Variants in PTPRN observed in about 807,000 individuals in gnomAD.
PTPRN encodes the protein protein tyrosine phosphatase receptor type N, also known as receptor-type tyrosine-protein phosphatase-like N.
PTPRN carries 70 observed loss-of-function variants against 108.5 expected under a neutral mutation model. That is an observed-to-expected ratio of 0.65 (90% CI 0.53 to 0.79). PTPRN has a LOEUF of 0.79. PTPRN is among the 30% of genes least tolerant of loss of function. PTPRN has a pLI of 0.00. For synonymous variants in PTPRN, 496 were observed against 524.6 expected, an observed-to-expected ratio of 0.95 and a Z score of 0.75; for missense variants, 1,136 against 1,295.5, an observed-to-expected ratio of 0.88 and a Z score of 1.89.
chr2:219,299,455 G>A, intron 10 of PTPRN, 71 bp from the exon 11 acceptor site: 1 of 1,512,120 alleles, frequency 6.6e-7, no homozygotes, highest in Non-Finnish European at 9.2e-7. Context: ...GGCCAGCTCT[G>A]GCCCTCTCCC....
At chr2:219,305,633 G>A (rs1952464927) in intron 3 of PTPRN, among the ~76,000 whole-genome samples, 1 of 152,140 alleles carries the variant, frequency 6.6e-6, no homozygotes, top group Admixed American at 6.5e-5. Flanking sequence ...CCTCATGGGT[G>A]TAATTACCAT....
Position 219,300,182 on chromosome 2 carries a change from A to C in PTPRN, c.1239T>G (p.Thr413=). 1 of 1,612,748 alleles carries C rather than the reference A, an allele frequency of 6.2e-7. No homozygotes were observed. The highest frequency in any genetic ancestry group is 8.5e-7 in the Non-Finnish European group (1 of 1,179,158). ...GGACTTCACTGGAGGTAGGGCTGGC[A>C]GTGGGGTGTCCAGGCATGGGGGATG... ...ARTSPMPGHP[T]ASPTSSEVQQ... Residue 413 remains threonine (T), a synonymous_variant, in exon 9 of 23, where the codon ACT becomes ACG. Coordinates refer to ENST00000295718, the MANE Select transcript of PTPRN (RefSeq NM_002846.4).
At chr2:219,306,009 G>C (rs1952476594) in intron 3 of PTPRN, among the ~76,000 whole-genome samples, 1 of 152,102 alleles carries the variant, frequency 6.6e-6, no homozygotes, top group South Asian at 2.1e-4. Flanking sequence ...AATTAGCCAG[G>C]CATGGTGGCG....
intron 1 of PTPRN, chr2:219,308,929 G>T (rs1952553661): frequency 7.1e-7 from 1 of 1,410,758 alleles, no homozygotes; most frequent in African/African-American, 1.4e-5. Context: ...TCTCGCAGCC[G>T]GTCTCTAAGT....
chr2:219,300,353 G>A, intron 8 of PTPRN, 94 bp from the exon 9 acceptor site: 1 of 1,349,384 alleles, frequency 7.4e-7, no homozygotes, highest in Non-Finnish European at 9.9e-7. Context: ...CTCAGGACCT[G>A]CTTTTCACTT....
intron 19 of PTPRN, among the ~76,000 whole-genome samples, chr2:219,294,587 T>G (rs76884407): frequency 0.036 from 5,052 of 138,854 alleles, 294 homozygotes; most frequent in African/African-American, 0.14. Context: ...GGCAGCGCAG[T>G]GCAGGGCCTG....
chr2:219,296,418 G>A lies in PTPRN; in HGVS notation c.2388+21C>T, dbSNP rs1171376200. On this transcript the variant is annotated intron_variant, in intron 17 of 22. Transcript: ENST00000295718. This position sits in a 1 kb window ranked among gnomAD's most constrained non-coding sequence, Gnocchi z 6.0. ...TCGTGGCCACAAGGACCCCAGCGAA[G>A]CCCTCCCTTTAAGAGCCCACCTGCC... 6.2e-7 allele frequency: 1 copy of A among 1,614,014 alleles called. No homozygotes were observed. Among genetic ancestry groups the A allele is most frequent in the African/African-American group, 1.3e-5 (1 of 74,924 alleles).
intron 4 of PTPRN, 47 bp from the exon 5 acceptor site, chr2:219,302,884 T>C (rs373855279): frequency 4.9e-4 from 784 of 1,586,940 alleles, no homozygotes; most frequent in Non-Finnish European, 6.2e-4. Context: ...GGAAAGGGCA[T>C]AGAGAGCCTG....
At position 219,299,060 on chromosome 2, in the gene PTPRN, G is replaced by T. The variant is rs770580095; in HGVS notation, c.1655C>A (p.Thr552Lys). 1.9e-6 allele frequency: 3 copies of T among 1,614,234 alleles called. No homozygotes were observed. Among genetic ancestry groups the T allele is most frequent in the Non-Finnish European group, 1.7e-6 (2 of 1,180,038 alleles). Residue 552 changes from threonine to lysine, a missense_variant, in exon 12 of 23, where the codon ACA (threonine) becomes AAA (lysine). By Grantham distance (78) the Thr-to-Lys change is moderately conservative. Coordinates refer to ENST00000295718, the MANE Select transcript of PTPRN (RefSeq NM_002846.4). Reference sequence around the variant, plus strand: ...GTTAGCGCATACCTGTCCCACTCCTGTCTGCAAGATTTGGAGCCCTGTCTG... The same window carrying T: ...GTTAGCGCATACCTGTCCCACTCCTTTCTGCAAGATTTGGAGCCCTGTCTG... ...EAQTGLQILQTGVGQREEAAA... is the reference protein window; with the variant it reads ...EAQTGLQILQKGVGQREEAAA...
At position 219,298,169 on chromosome 2, in the gene PTPRN, C is replaced by T; in HGVS notation, c.1669-66G>A. ...GGGAGGTTTCAGAGCTGCTCCTCAC[C>T]CCGGTCCCATGCCACACCCCCTGTT... is the stretch of plus-strand genomic sequence containing the variant. On this transcript the variant is annotated intron_variant, in intron 12 of 22. Transcript: ENST00000295718. 9 of 1,502,048 alleles carry T rather than the reference C, an allele frequency of 6.0e-6. No homozygotes were observed. In the South Asian group the frequency reaches 6.9e-5, roughly 12 times the overall value. The allele number at this position is 1,502,048 out of a possible 1,614,324, so 93.0% of individuals were successfully genotyped here. A position where few individuals can be genotyped will look rare whatever the true frequency, so the allele number is the denominator to read the frequency against.
chr2:219,307,237 T>A (rs1383439481), intron 3 of PTPRN: 1 of 478,308 alleles, frequency 2.1e-6, no homozygotes, highest in Admixed American at 3.5e-5. Flanking sequence ...TCCAGTGACT[T>A]CTTCTTAGAA....
At chr2:219,301,877 A>G (rs1023862754) in intron 6 of PTPRN, among the ~76,000 whole-genome samples, 158 bp from the exon 7 acceptor site, 4 of 152,066 alleles carry the variant, frequency 2.6e-5, no homozygotes, top group Non-Finnish European at 5.9e-5. Context: ...CCTTGTCCAC[A>G]CTTTGGGGGA....
At position 219,301,666 on chromosome 2, in the gene PTPRN, G is replaced by A. The variant is rs754865206; in HGVS notation, c.1048C>T (p.Arg350Cys). The change falls in exon 7 of 23, where the codon CGT (arginine) becomes TGT (cysteine). Residue 350 changes from arginine (R) to cysteine (C), a missense_variant. Physicochemically the swap from Arg to Cys is radical, Grantham distance 180 (BLOSUM62 -3). Coordinates refer to ENST00000295718, the MANE Select transcript of PTPRN (RefSeq NM_002846.4). ...GAGAGCTGCTCAGGGGTCAGCTGAC[G>A]CAGCTCTACCCCATAGCCCGCCAGC... ...AVLAGYGVEL[R>C]QLTPEQLSTL... 7.4e-6 allele frequency: 12 copies of A among 1,613,494 alleles called. No homozygotes were observed. The highest frequency in any genetic ancestry group is 3.3e-5 in the Admixed American group (2 of 60,000).
intron 3 of PTPRN, among the ~76,000 whole-genome samples, chr2:219,306,475 G>C (rs557957394): frequency 6.6e-6 from 1 of 152,306 alleles, no homozygotes; most frequent in African/African-American, 2.4e-5. Context: ...ACCAACTCTT[G>C]ACTCCATCTA....
Position 219,297,283 on chromosome 2 carries a change from C to T in PTPRN, c.2038G>A (p.Glu680Lys), listed in dbSNP as rs781479935. 8 of 1,613,908 alleles carry T rather than the reference C, an allele frequency of 5.0e-6. No homozygotes were observed. Among genetic ancestry groups the T allele is most frequent in the Admixed American group, 3.3e-5 (2 of 59,994 alleles). The change falls in exon 14 of 23, where the codon GAG becomes AAG. Residue 680 changes from glutamate to lysine, a missense_variant. Transcript: ENST00000295718. The surrounding 1 kb of genome is among the most constrained non-coding windows in gnomAD (Gnocchi z 6.0). ...SSHSSTPSWC[E>K]EPAQANMDIS... ...TCCATGTTGGCTTGGGCCGGCTCCT[C>T]GCACCAGGACGGGGTGCTGCTGTGG...
intron 20 of PTPRN, 51 bp downstream of exon 20, chr2:219,291,419 G>A (rs776140902): frequency 1.9e-6 from 3 of 1,567,052 alleles, no homozygotes; most frequent in East Asian, 2.2e-5. Flanking sequence ...ATGTGCACAG[G>A]AGACGCACAC....
rs1952524594 is a variant in PTPRN, at chr2:219,307,909, G to A, written c.116-67C>T. 3 of 1,468,548 alleles carry A rather than the reference G, an allele frequency of 2.0e-6. No homozygotes were observed. The African/African-American group carries it at 4.2e-5, about 21-fold the overall frequency. The allele number at this position is 1,468,548 out of a possible 1,614,324, so 91.0% of individuals were successfully genotyped here. A position where few individuals can be genotyped will look rare whatever the true frequency, so the allele number is the denominator to read the frequency against. ...CAGAGAATGGGCAGATGGGTGGACA[G>A]GCTGGGAACGGGAGAAGCAGATGCA... On this transcript the variant is annotated intron_variant, in intron 1 of 22. Coordinates refer to ENST00000295718, the MANE Select transcript of PTPRN (RefSeq NM_002846.4).
At chr2:219,301,167 A>G (rs962833700) in intron 7 of PTPRN, among the ~76,000 whole-genome samples, 190 bp from the exon 8 acceptor site, 1 of 152,028 alleles carries the variant, frequency 6.6e-6, no homozygotes, top group African/African-American at 2.4e-5. Flanking sequence ...TCCTCCTCCC[A>G]ATTTACTGTT....
rs567325330 is a variant in PTPRN, at chr2:219,307,855, A to G, written c.116-13T>C. On this transcript the variant is annotated splice_polypyrimidine_tract_variant and intron_variant, in intron 1 of 22. Coordinates refer to ENST00000295718, the MANE Select transcript of PTPRN (RefSeq NM_002846.4). ...TCAAATAGACAGCCTGTAGAGGAAAAGGTGAGCAGAGGCTCAGACACCCAC... is the reference window on the plus strand; with the variant it reads ...TCAAATAGACAGCCTGTAGAGGAAAGGGTGAGCAGAGGCTCAGACACCCAC... The G allele has an allele frequency of 1.9e-6, 3 of 1,613,788 alleles. No individual in the cohort carries two copies. In the East Asian group the frequency reaches 6.7e-5, roughly 36 times the overall value.
Sources: gnomAD v4.1 joint callset for allele counts (sites outside exome capture counted in the v4.1 genomes callset) on GRCh38, gnomAD v4.1.1 for gene constraint, Gnocchi (gnomAD v3.1) non-coding constraint, MANE v1.5 for transcripts, NCBI Gene and HGNC (gene_info 2026-07-23, HGNC 2026-07-21) for gene names.